Variants in STPG2 observed in about 807,000 individuals in gnomAD.
STPG2 encodes sperm tail PG-rich repeat containing 2, also known as sperm-tail PG-rich repeat-containing protein 2.
STPG2 carries 56 observed loss-of-function variants against 54.2 expected under a neutral mutation model. The observed-to-expected ratio is 1.03, with a 90% CI of 0.83 to 1.29. The LOEUF is 1.29. STPG2 is among the 50% of genes most tolerant of loss of function. The pLI is 0.00. For synonymous variants in STPG2, 200 were observed against 181.8 expected, an observed-to-expected ratio of 1.10 and a Z score of -0.81; for missense variants, 596 against 544.9, an observed-to-expected ratio of 1.09 and a Z score of -0.93.
At chr4:97,901,344 C>A (rs1413901986) in intron 8 of STPG2, among the ~76,000 whole-genome samples, 2 of 150,602 alleles carry the variant, frequency 1.3e-5, no homozygotes, top group Non-Finnish European at 3.0e-5. Context: ...AACAATTGGG[C>A]AAGAAAAAAA....
intron 10 of STPG2, among the ~76,000 whole-genome samples, chr4:97,654,795 C>T (rs1281836107): frequency 6.8e-6 from 1 of 148,120 alleles, no homozygotes; most frequent in Non-Finnish European, 1.5e-5. Flanking sequence ...ATGTTGTTTA[C>T]AATAGTAAAA....
intron 7 of STPG2, among the ~76,000 whole-genome samples, chr4:97,957,221 G>A (rs907900483): frequency 2.3e-5 from 3 of 133,024 alleles, no homozygotes; most frequent in Non-Finnish European, 3.4e-5. Flanking sequence ...GAAATAAACA[G>A]TATAAATAAA....
At chr4:97,553,573 G>C (rs1732013397) in intron 4 of STPG2, among the ~76,000 whole-genome samples, 1 of 151,896 alleles carries the variant, frequency 6.6e-6, no homozygotes, top group African/African-American at 2.4e-5. Flanking sequence ...TTATGTTTTA[G>C]GTAAAAAAAA....
At chr4:97,940,787 C>T (rs998199955) in intron 8 of STPG2, among the ~76,000 whole-genome samples, 3 of 152,098 alleles carry the variant, frequency 2.0e-5, no homozygotes, top group Non-Finnish European at 2.9e-5. Context: ...AGTAGTGTGG[C>T]CATACACAAG....
At chr4:97,444,644 C>A (rs1055463708) in intron 4 of STPG2, among the ~76,000 whole-genome samples, 1 of 152,032 alleles carries the variant, frequency 6.6e-6, no homozygotes, top group South Asian at 2.1e-4. Flanking sequence ...GTTCATTAGA[C>A]AGAAGACTAA....
intron 10 of STPG2, among the ~76,000 whole-genome samples, chr4:97,691,067 A>G (rs1288594633): frequency 1.3e-5 from 2 of 152,146 alleles, no homozygotes; most frequent in Non-Finnish European, 2.9e-5. Context: ...TGCAGCTCCC[A>G]CTTGGATGGA....
intron 10 of STPG2, among the ~76,000 whole-genome samples, chr4:97,589,362 C>T (rs1348823754): frequency 6.6e-6 from 1 of 151,828 alleles, no homozygotes; most frequent in East Asian, 1.9e-4. Flanking sequence ...TTATTAACAT[C>T]TTTGTAGTTT....
intron 9 of STPG2, among the ~76,000 whole-genome samples, chr4:97,735,132 T>C (rs1724936121): frequency 1.3e-5 from 2 of 151,374 alleles, no homozygotes; most frequent in African/African-American, 4.8e-5. Flanking sequence ...AAATGCAGAA[T>C]ATGGAGTGGG....
intron 8 of STPG2, among the ~76,000 whole-genome samples, chr4:97,906,019 A>G (rs1474616886): frequency 1.3e-5 from 2 of 152,216 alleles, no homozygotes; most frequent in African/African-American, 4.8e-5. Context: ...CTAAGATCAG[A>G]GCAGAACTGA....
intron 2 of STPG2, among the ~76,000 whole-genome samples, chr4:98,133,558 A>G (rs753713329): frequency 3.9e-5 from 6 of 152,058 alleles, no homozygotes; most frequent in Admixed American, 1.3e-4. Context: ...CTATGTTTAA[A>G]GAATAGATGT....
intron 8 of STPG2, among the ~76,000 whole-genome samples, chr4:97,851,408 A>C (rs1015951876): frequency 7.2e-5 from 11 of 152,188 alleles, no homozygotes; most frequent in African/African-American, 2.7e-4. Flanking sequence ...CTTCCATGAC[A>C]GTAGGGCTGA....
intron 3 of STPG2, among the ~76,000 whole-genome samples, chr4:98,127,615 A>G (rs746727877): frequency 3.8e-4 from 58 of 152,238 alleles, no homozygotes; most frequent in Non-Finnish European, 2.4e-4. Flanking sequence ...TTAAAGCACA[A>G]AAATACCATA....
At chr4:97,880,677 A>G (rs1026327369) in intron 8 of STPG2, among the ~76,000 whole-genome samples, 1 of 152,172 alleles carries the variant, frequency 6.6e-6, no homozygotes, top group African/African-American at 2.4e-5. Context: ...CATTTCTAAG[A>G]AATACAAATT....
chr4:97,694,150 G>A (rs1455232248), intron 10 of STPG2, among the ~76,000 whole-genome samples: 2 of 151,622 alleles, frequency 1.3e-5, no homozygotes, highest in African/African-American at 2.4e-5. Flanking sequence ...CAGAAGAAAC[G>A]AAAAAACAAA....
chr4:97,456,912 T>TAAAAAAAAAAAAAAAA (rs1166086887), intron 4 of STPG2, among the ~76,000 whole-genome samples: 11 of 97,190 alleles, frequency 1.1e-4, no homozygotes, highest in African/African-American at 7.1e-4. Context: ...AAAAGAAAAT[T>TAAAAAAAAAAAAAAAA]AAAAAAAAAA....
chr4:98,074,493 TC>T (rs1738098520), intron 5 of STPG2, among the ~76,000 whole-genome samples: 4 of 152,322 alleles, frequency 2.6e-5, no homozygotes, highest in Middle Eastern at 3.4e-3. Flanking sequence ...CATATGACCA[TC>T]CCGTATCTTC....
At position 97,548,019 on chromosome 4, in the gene STPG2, G is replaced by A. The variant is rs535298415; in HGVS notation, c.462+164680C>T. 1.7e-3 allele frequency among the ~76,000 whole-genome samples: 258 copies of A among 151,808 alleles called. 3 individuals carry two copies. Among genetic ancestry groups the A allele is most frequent in the African/African-American group, 5.6e-3 (232 of 41,394 alleles). ...TATAAAATTAGCCGGGCGTGGTGGC[G>A]CATGCCTGTAATCCCAGCTACTCGG... On this transcript the variant is annotated intron_variant, in intron 4 of 4. Coordinates refer to the STPG2 transcript ENST00000522676.
intron 10 of STPG2, among the ~76,000 whole-genome samples, chr4:97,649,770 C>T (rs1489885929): frequency 6.6e-6 from 1 of 152,114 alleles, no homozygotes; most frequent in African/African-American, 2.4e-5. Flanking sequence ...CGATCCCCAA[C>T]CTTCTTGGCA....
intron 8 of STPG2, among the ~76,000 whole-genome samples, chr4:97,864,518 A>G (rs1226985551): frequency 5.9e-5 from 9 of 152,196 alleles, no homozygotes; most frequent in Admixed American, 2.6e-4. Context: ...ATACTGCCCA[A>G]GGTAATTTAT....
Sources: gnomAD v4.1 joint callset for allele counts (sites outside exome capture counted in the v4.1 genomes callset) on GRCh38, gnomAD v4.1.1 for gene constraint, MANE v1.5 for transcripts, NCBI Gene and HGNC (gene_info 2026-07-23, HGNC 2026-07-21) for gene names.